PDE7B: variants seen among roughly 807,000 people sequenced by gnomAD.
PDE7B encodes phosphodiesterase 7B.
In PDE7B, 29 loss-of-function variants were observed where a neutral mutation model predicts 56.2. The ratio of observed to expected loss-of-function variants is 0.52; its 90% confidence interval spans 0.38 to 0.70. The LOEUF is 0.70. Ranked by LOEUF, PDE7B falls within the 30% of genes least tolerant of loss-of-function variation. PDE7B has a pLI of 0.00. For missense variants in PDE7B, 490 were observed against 565.0 expected (o/e 0.87, Z 1.35); for synonymous variants, 197 against 196.9 (o/e 1.00, Z 0.00).
intron 1 of PDE7B, among the ~76,000 whole-genome samples, chr6:135,905,335 CGTGTGTGTGTGTAT>C (rs1310970904): frequency 4.1e-5 from 5 of 122,360 alleles, no homozygotes; most frequent in Admixed American, 1.7e-4. Context: ...TACATACATG[CGTGTGTGTGTGTAT>C]GTGTGTGTGT....
intron 2 of PDE7B, among the ~76,000 whole-genome samples, chr6:135,992,229 G>A (rs1382263263): frequency 2.0e-5 from 3 of 150,052 alleles, no homozygotes; most frequent in East Asian, 3.9e-4. Context: ...AAAAAAAATC[G>A]CAAAAATCTC....
intron 2 of PDE7B, among the ~76,000 whole-genome samples, chr6:135,965,701 C>T (rs1449021352): frequency 1.3e-5 from 2 of 152,232 alleles, no homozygotes; most frequent in African/African-American, 4.8e-5. Context: ...GATTCGGTTA[C>T]CTCCCACTGG....
intron 7 of PDE7B, among the ~76,000 whole-genome samples, chr6:136,155,358 CAACAA>C: frequency 6.6e-6 from 1 of 152,300 alleles, no homozygotes; most frequent in East Asian, 1.9e-4. Context: ...GCCATCACAA[CAACAA>C]AACAAAACAG....
intron 2 of PDE7B, among the ~76,000 whole-genome samples, chr6:135,951,071 C>T (rs1562450300): frequency 6.6e-6 from 1 of 152,138 alleles, no homozygotes; most frequent in East Asian, 1.9e-4. Flanking sequence ...GGAGTGTTAA[C>T]TATTTATTCC....
intron 2 of PDE7B, among the ~76,000 whole-genome samples, chr6:136,053,813 T>C (rs1562481065): frequency 6.6e-6 from 1 of 152,210 alleles, no homozygotes; most frequent in Admixed American, 6.5e-5. Context: ...TGGCCAGTGA[T>C]GATGAGCATT....
intron 9 of PDE7B, among the ~76,000 whole-genome samples, chr6:136,176,459 A>G (rs887313081): frequency 3.3e-5 from 5 of 152,128 alleles, no homozygotes; most frequent in African/African-American, 9.6e-5. Flanking sequence ...TTCAATGTCA[A>G]TTACTATAGC....
chr6:136,060,137 A>G (rs1776812748), intron 2 of PDE7B, among the ~76,000 whole-genome samples: 1 of 152,242 alleles, frequency 6.6e-6, no homozygotes, highest in South Asian at 2.1e-4. Flanking sequence ...ATAAAAATGA[A>G]TAGCTAATAT....
intron 1 of PDE7B, among the ~76,000 whole-genome samples, chr6:135,859,253 T>G (rs956751393): frequency 2.0e-5 from 3 of 152,134 alleles, no homozygotes; most frequent in Non-Finnish European, 4.4e-5. Context: ...AAAGTTATTT[T>G]CTATGTGACA....
Position 136,066,852 on chromosome 6 carries a change from C to CTT in PDE7B, c.83-41863_83-41862dup, listed in dbSNP as rs566149848. Reference sequence around the variant, plus strand: ...GAGTATTCCTTTGGATAACCATAACCTTTTTTTTTTTTTTTTTGAAATGAG... The same window carrying CTT: ...GAGTATTCCTTTGGATAACCATAACCTTTTTTTTTTTTTTTTTTTGAAATGAG... On this transcript the variant is annotated intron_variant, in intron 2 of 12. Transcript: ENST00000308191. Among the ~76,000 whole-genome samples, 21 of 138,302 alleles carry CTT rather than the reference C, an allele frequency of 1.5e-4. No homozygotes were observed. In the South Asian group the frequency reaches 2.1e-3, roughly 14 times the overall value. 90.7% of individuals were successfully genotyped at this position (138,302 alleles called of 152,430 possible). A position where few individuals can be genotyped will look rare whatever the true frequency, so the allele number is the denominator to read the frequency against.
intron 2 of PDE7B, among the ~76,000 whole-genome samples, chr6:135,977,448 A>G (rs1268689512): frequency 7.0e-6 from 1 of 143,236 alleles, no homozygotes. Flanking sequence ...AACTACTCAA[A>G]CAGTCTGCTT....
intron 12 of PDE7B, among the ~76,000 whole-genome samples, chr6:136,189,334 C>T (rs976413576): frequency 4.6e-5 from 7 of 152,136 alleles, no homozygotes; most frequent in South Asian, 2.1e-4. Context: ...GAGGTTGAGG[C>T]GGGCAAATCC....
chr6:136,180,410 CA>C (rs1160660348), intron 10 of PDE7B, among the ~76,000 whole-genome samples: 1 of 152,128 alleles, frequency 6.6e-6, no homozygotes, highest in Non-Finnish European at 1.5e-5. Context: ...GCTTCTCTGA[CA>C]CTTACCTCTA....
intron 2 of PDE7B, among the ~76,000 whole-genome samples, chr6:135,951,178 T>G (rs752636471): frequency 6.6e-6 from 1 of 152,196 alleles, no homozygotes; most frequent in Non-Finnish European, 1.5e-5. Context: ...TAGGGAAATG[T>G]GTGTAGAGCT....
chr6:135,998,359 T>C (rs1219252000), intron 2 of PDE7B, among the ~76,000 whole-genome samples: 1 of 152,246 alleles, frequency 6.6e-6, no homozygotes, highest in Non-Finnish European at 1.5e-5. Flanking sequence ...GAAACATATA[T>C]AATGCAGATT....
intron 2 of PDE7B, among the ~76,000 whole-genome samples, chr6:136,103,236 G>A (rs1033736333): frequency 6.6e-6 from 1 of 152,172 alleles, no homozygotes; most frequent in East Asian, 1.9e-4. Flanking sequence ...AAGATTGAAC[G>A]CCCACAGGGG....
intron 2 of PDE7B, among the ~76,000 whole-genome samples, chr6:136,052,859 C>A (rs1776656280): frequency 6.6e-6 from 1 of 152,078 alleles, no homozygotes. Context: ...GGTTTCTAAC[C>A]TGGCACTTCC....
At chr6:135,871,794 C>A (rs1775386399) in intron 1 of PDE7B, among the ~76,000 whole-genome samples, 1 of 151,866 alleles carries the variant, frequency 6.6e-6, no homozygotes, top group East Asian at 1.9e-4. Flanking sequence ...CACACACACA[C>A]ACATATAATA....
At chr6:136,011,440 CA>C (rs1775894367) in intron 2 of PDE7B, among the ~76,000 whole-genome samples, 1 of 152,130 alleles carries the variant, frequency 6.6e-6, no homozygotes, top group African/African-American at 2.4e-5. Context: ...ATCATATAGC[CA>C]AAGTTATAGA....
chr6:135,925,448 C>T (rs1220002387), intron 1 of PDE7B, among the ~76,000 whole-genome samples: 3 of 152,086 alleles, frequency 2.0e-5, no homozygotes, highest in African/African-American at 2.4e-5. Context: ...ACAATGTGAT[C>T]TTACATTGCA....
Sources: gnomAD v4.1 joint callset for allele counts (sites outside exome capture counted in the v4.1 genomes callset) on GRCh38, gnomAD v4.1.1 for gene constraint, MANE v1.5 for transcripts, NCBI Gene and HGNC (gene_info 2026-07-23, HGNC 2026-07-21) for gene names.